Variants in CHRDL1 observed in about 807,000 individuals in gnomAD.
CHRDL1 encodes the protein chordin like 1.
A neutral mutation model predicts 40.9 loss-of-function variants in CHRDL1; 19 were observed. The observed-to-expected ratio is 0.46, with a 90% confidence interval of 0.32 to 0.68. The LOEUF (loss-of-function observed/expected upper bound fraction) is 0.68, where lower values mean the gene tolerates loss of function less well. Ranked by LOEUF, CHRDL1 falls within the 30% of genes least tolerant of loss-of-function variation. The pLI is 0.03. For synonymous variants in CHRDL1, 136 were observed against 123.4 expected (o/e 1.10, Z -0.68); for missense variants, 329 against 352.1 (o/e 0.93, Z 0.53).
rs2069721149 is a variant in CHRDL1 at position 110,673,955 on chromosome X, T to A, written c.*2276A>T. On this transcript the variant is annotated 3_prime_UTR_variant, in exon 12 of 12. Coordinates refer to ENST00000372042, the MANE Select transcript of CHRDL1 (RefSeq NM_001143981.2). Reference sequence around the variant, plus strand: ...TTAGGTACATGTCCTGTGAGAACAGTGAAAGGGTAATACTGTTATGTTACT... The same window carrying A: ...TTAGGTACATGTCCTGTGAGAACAGAGAAAGGGTAATACTGTTATGTTACT... The A allele has an allele frequency of 8.9e-6, 1 of 112,350 alleles. No individual in the cohort carries two copies. The highest frequency in any genetic ancestry group is 3.2e-5 in the African/African-American group (1 of 30,900). The allele number at this position is 112,350 out of a possible 1,213,427, so 9.3% of individuals were successfully genotyped here.
chrX:110,716,484 G>A (rs2070844457), intron 6 of CHRDL1, among the ~76,000 whole-genome samples: 2 of 111,167 alleles, frequency 1.8e-5, no homozygotes, highest in African/African-American at 3.3e-5. Context: ...AAAAACAGAA[G>A]TTGACAAGGT....
intron 4 of CHRDL1, among the ~76,000 whole-genome samples, chrX:110,722,922 G>A (rs1212047332): frequency 9.0e-6 from 1 of 110,987 alleles, no homozygotes; most frequent in Admixed American, 9.6e-5. Context: ...CTATTTTGTG[G>A]TGGGTAAGTT....
chrX:110,724,566 G>C (rs981111754), intron 4 of CHRDL1, among the ~76,000 whole-genome samples: 1 of 97,089 alleles, frequency 1.0e-5, no homozygotes, highest in Non-Finnish European at 2.2e-5. Flanking sequence ...GCGAATTACT[G>C]AAAATGAGGC....
chrX:110,718,507 G>A (rs2070884218), intron 6 of CHRDL1, among the ~76,000 whole-genome samples: 1 of 112,209 alleles, frequency 8.9e-6, no homozygotes, highest in Non-Finnish European at 1.9e-5. Context: ...CTCATCCCAT[G>A]TCAGTTTCAA....
intron 4 of CHRDL1, among the ~76,000 whole-genome samples, chrX:110,755,508 T>C (rs1455422050): frequency 9.0e-6 from 1 of 111,525 alleles, no homozygotes. Flanking sequence ...ATGGCTCCTC[T>C]GTCTCCTTCA....
intron 4 of CHRDL1, among the ~76,000 whole-genome samples, chrX:110,745,590 T>G (rs1446014657): frequency 8.9e-6 from 1 of 112,073 alleles, no homozygotes; most frequent in African/African-American, 3.2e-5. Flanking sequence ...CCTCTGGGAC[T>G]GTGCCTGATT....
In CHRDL1 at chrX:110,759,860, A is replaced by T. The variant is rs958120175; in HGVS notation, c.208-106T>A. 18 of 541,888 alleles carry T rather than the reference A, an allele frequency of 3.3e-5. No homozygotes were observed. In the South Asian group the frequency reaches 4.8e-4, roughly 15 times the overall value. The allele number at this position is 541,888 out of a possible 1,213,427, so 44.7% of individuals were successfully genotyped here. On this transcript the variant is annotated intron_variant, in intron 3 of 11. Transcript: ENST00000372042. ...CAGGGACTCACCCAGGCAGTGAATA[A>T]TGCATTCCCAAGAAGCTGAATGCAT...
At position 110,700,702 on chromosome X, in the gene CHRDL1, C is replaced by T; in HGVS notation, c.561G>A (p.Trp187Ter). Residue 187 changes from tryptophan to a stop codon, truncating the protein, a stop_gained, in exon 7 of 12, where the codon TGG becomes TGA. Coordinates refer to ENST00000372042, the MANE Select transcript of CHRDL1 (RefSeq NM_001143981.2). LOFTEE classifies it high-confidence loss of function. ...RVCRGDGELS[W>*]EHSDGDIFRQ... ...GGAAGATATCACCATCAGAATGTTCCCATGACAGTTCTCCATCTCCTGTTT... is the reference window on the plus strand; with the variant it reads ...GGAAGATATCACCATCAGAATGTTCTCATGACAGTTCTCCATCTCCTGTTT... 1 of 1,178,421 alleles carries T rather than the reference C, an allele frequency of 8.5e-7. No homozygotes were observed. Among genetic ancestry groups the T allele is most frequent in the Non-Finnish European group, 1.2e-6 (1 of 865,313 alleles).
intron 8 of CHRDL1, among the ~76,000 whole-genome samples, chrX:110,692,917 T>C (rs1333059019): frequency 8.9e-6 from 1 of 112,538 alleles, no homozygotes; most frequent in Non-Finnish European, 1.9e-5. Flanking sequence ...TTGTAACGGA[T>C]TGTTTTTCAC....
Position 110,688,820 on chromosome X carries a change from A to C in CHRDL1, c.779-17T>G. ...AAACACACACTGAAAGAGAATGCAGAATTAGCAATTAAAAGCTAAGGAGCT... is the reference window on the plus strand; with the variant it reads ...AAACACACACTGAAAGAGAATGCAGCATTAGCAATTAAAAGCTAAGGAGCT... On this transcript the variant is annotated splice_polypyrimidine_tract_variant and intron_variant, in intron 8 of 11. Transcript: ENST00000372042. 1 of 1,156,215 alleles carries C rather than the reference A, an allele frequency of 8.6e-7. No homozygotes were observed. The highest frequency in any genetic ancestry group is 1.2e-6 in the Non-Finnish European group (1 of 847,202).
At chrX:110,779,437 G>T (rs755385033) in intron 2 of CHRDL1, among the ~76,000 whole-genome samples, 10 of 111,500 alleles carry the variant, frequency 9.0e-5, no homozygotes, top group Admixed American at 5.7e-4. Context: ...ATGCCCAGTT[G>T]TTCCAGCACC....
chrX:110,721,144 G>A (rs966064212), intron 5 of CHRDL1, among the ~76,000 whole-genome samples: 2 of 112,199 alleles, frequency 1.8e-5, no homozygotes, highest in African/African-American at 6.5e-5. Flanking sequence ...GCTCACCTTT[G>A]CCCATTTAAG....
chrX:110,679,597 G>C (rs1368065909), intron 10 of CHRDL1, among the ~76,000 whole-genome samples, 172 bp from the exon 11 acceptor site: 2 of 111,924 alleles, frequency 1.8e-5, no homozygotes, highest in Admixed American at 1.9e-4. Context: ...GGTTATAATT[G>C]ACTCCATTTG....
At chrX:110,705,300 T>C (rs1300877086) in intron 6 of CHRDL1, among the ~76,000 whole-genome samples, 8 of 87,227 alleles carry the variant, frequency 9.2e-5, no homozygotes, top group African/African-American at 3.7e-4. Flanking sequence ...TATATATATA[T>C]ATATACACAC....
At chrX:110,769,649 G>A (rs191298657) in intron 2 of CHRDL1, among the ~76,000 whole-genome samples, 3 of 112,178 alleles carry the variant, frequency 2.7e-5, no homozygotes, top group African/African-American at 6.5e-5. Context: ...CACAATCATG[G>A]TGGAAGGTGA....
rs1209285815 is a variant in CHRDL1, at chrX:110,690,003, CTA to C, written c.779-1202_779-1201del. ...TATATATCTATATATATCTATATAT[CTA>C]TATATATCTATATATCTGTATATCT... On this transcript the variant is annotated intron_variant, in intron 8 of 11. Coordinates refer to ENST00000372042, the MANE Select transcript of CHRDL1 (RefSeq NM_001143981.2). 1.4e-4 allele frequency among the ~76,000 whole-genome samples: 3 copies of C among 20,987 alleles called. 1 individual carries two copies. In the African/African-American group the frequency reaches 2.0e-3, roughly 14 times the overall value. The allele number at this position is 20,987 out of a possible 115,157, so 18.2% of individuals were successfully genotyped here.
intron 6 of CHRDL1, among the ~76,000 whole-genome samples, chrX:110,710,554 G>A (rs946758058): frequency 2.7e-5 from 3 of 112,295 alleles, no homozygotes; most frequent in Non-Finnish European, 5.6e-5. Context: ...GAAAGTCAAC[G>A]CTGTCCCATC....
intron 3 of CHRDL1, among the ~76,000 whole-genome samples, chrX:110,760,947 C>T (rs1191439579): frequency 9.0e-6 from 1 of 110,870 alleles, no homozygotes; most frequent in East Asian, 2.9e-4. Flanking sequence ...TAAAGTGAAT[C>T]CTCATTAATG....
chrX:110,744,987 ACACACAC>A (rs1569477555), intron 4 of CHRDL1, among the ~76,000 whole-genome samples: 5 of 109,448 alleles, frequency 4.6e-5, no homozygotes, highest in African/African-American at 1.7e-4. Context: ...ACACACACAC[ACACACAC>A]ATACATACCA....
Sources: allele counts gnomAD v4.1 joint callset (sites outside exome capture counted in the v4.1 genomes callset), GRCh38; gene constraint gnomAD v4.1.1; transcripts MANE v1.5; gene names NCBI Gene and HGNC (gene_info 2026-07-23, HGNC 2026-07-21).